The following SMARCA2 variants were observed in gnomAD, a reference collection of about 807,000 sequenced individuals.
The protein encoded by SMARCA2 is SWI/SNF related BAF chromatin remodeling complex subunit ATPase 2, also known as SWI/SNF-related matrix-associated actin-dependent regulator of chromatin subfamily A member 2.
In SMARCA2, 61 loss-of-function variants were observed where a neutral mutation model predicts 199.8. The ratio of observed to expected loss-of-function variants is 0.31; its 90% CI spans 0.25 to 0.38. The LOEUF (loss-of-function observed/expected upper bound fraction) is 0.38. SMARCA2 is among the 10% of genes least tolerant of loss of function. The pLI is 1.00. For missense variants in SMARCA2, 1,344 were observed against 2,012.2 expected, an observed-to-expected ratio of 0.67 and a Z score of 6.35; for synonymous variants, 935 against 732.0, an observed-to-expected ratio of 1.28 and a Z score of -4.48.
chr9:2,084,262 C>A, intron 17 of SMARCA2, 66 bp downstream of exon 17: 3 of 826,366 alleles, frequency 3.6e-6, no homozygotes, highest in East Asian at 5.2e-5. Flanking sequence ...AAGTATTGCC[C>A]AAGTCAGTAG....
At chr9:2,155,015 A>G (rs1825275178) in intron 27 of SMARCA2, among the ~76,000 whole-genome samples, 2 of 152,180 alleles carry the variant, frequency 1.3e-5, no homozygotes, top group Admixed American at 1.3e-4. Context: ...AGTCTCTTGC[A>G]GGGTCTCAAG....
chr9:2,162,331 G>A (rs1297308735), intron 28 of SMARCA2, among the ~76,000 whole-genome samples: 3 of 152,116 alleles, frequency 2.0e-5, no homozygotes, highest in African/African-American at 2.4e-5. Flanking sequence ...CAAAATAGAT[G>A]CTTCATAGTA....
chr9:2,045,341 A>G (rs923242040), intron 4 of SMARCA2: 1 of 152,230 alleles, frequency 6.6e-6, no homozygotes, highest in South Asian at 2.1e-4. Flanking sequence ...TCATAGAATC[A>G]TAGGGAATTA....
At chr9:2,102,658 C>G (rs1822573199) in intron 22 of SMARCA2, among the ~76,000 whole-genome samples, 1 of 152,162 alleles carries the variant, frequency 6.6e-6, no homozygotes, top group South Asian at 2.1e-4. Flanking sequence ...TTCTCCATAT[C>G]ACAGCGTCTT....
chr9:2,157,897 G>A (rs1220007734), intron 27 of SMARCA2: 1 of 398,438 alleles, frequency 2.5e-6, no homozygotes, highest in Non-Finnish European at 4.4e-6. Flanking sequence ...GTTGGTGTGT[G>A]TCAGGATGAG....
chr9:2,173,497 T>C (rs1293433222), intron 29 of SMARCA2, among the ~76,000 whole-genome samples: 1 of 152,204 alleles, frequency 6.6e-6, no homozygotes, highest in Non-Finnish European at 1.5e-5. Flanking sequence ...TGTGACCAAT[T>C]AGATACACTT....
chr9:2,187,060 A>G (rs1827511782), intron 32 of SMARCA2, among the ~76,000 whole-genome samples: 1 of 152,178 alleles, frequency 6.6e-6, no homozygotes, highest in East Asian at 1.9e-4. Flanking sequence ...CACCTTGAGA[A>G]TCACAGCTTT....
chr9:2,158,347 A>C (rs2130743359), intron 27 of SMARCA2: 1 of 153,894 alleles, frequency 6.5e-6, no homozygotes, highest in South Asian at 2.1e-4. Context: ...CTTTAAGAAA[A>C]GAGGTGCCTC....
chr9:2,021,024 T>G (rs1818578693), intron 1 of SMARCA2, among the ~76,000 whole-genome samples: 1 of 152,220 alleles, frequency 6.6e-6, no homozygotes, highest in South Asian at 2.1e-4. Context: ...ATTTGAACAA[T>G]TGTAATCTGG....
chr9:2,185,118 C>T (rs150652830), intron 31 of SMARCA2, among the ~76,000 whole-genome samples: 1 of 152,228 alleles, frequency 6.6e-6, no homozygotes, highest in East Asian at 1.9e-4. Context: ...TGATGGGCAA[C>T]AGATCTTCAG....
intron 31 of SMARCA2, 68 bp downstream of exon 31, chr9:2,182,310 T>A: frequency 4.3e-6 from 4 of 936,260 alleles, no homozygotes; most frequent in Non-Finnish European, 6.8e-6. Context: ...TTAAGTAGAA[T>A]ATTTCATTTT....
intron 1 of SMARCA2, among the ~76,000 whole-genome samples, chr9:2,028,779 G>A (rs771312905): frequency 7.2e-5 from 11 of 152,146 alleles, no homozygotes; most frequent in Non-Finnish European, 1.3e-4. Context: ...GAATCATTTA[G>A]TGTGTGTGTT....
rs56186732 is a variant in SMARCA2 at position 2,176,182 on chromosome 9, G to GTTTTTTTTTTTTTTTTTT, written c.4254-5385_4254-5368dup. On this transcript the variant is annotated intron_variant, in intron 29 of 33. Coordinates refer to ENST00000349721, the MANE Select transcript of SMARCA2 (RefSeq NM_003070.5). ...AGGCATGAGCCACCGCGCCCGGCCT[G>GTTTTTTTTTTTTTTTTTT]TTTTTTTTTTTTTTTTTTTTTATAA... Among the ~76,000 whole-genome samples, 125 of 104,102 alleles carry GTTTTTTTTTTTTTTTTTT rather than the reference G, an allele frequency of 1.2e-3. 5 individuals carry two copies. Among genetic ancestry groups the GTTTTTTTTTTTTTTTTTT allele is most frequent in the African/African-American group, 4.4e-3 (118 of 26,834 alleles). 68.3% of individuals were successfully genotyped at this position (104,102 alleles called of 152,430 possible).
At chr9:2,155,204 G>A (rs542108250) in intron 27 of SMARCA2, among the ~76,000 whole-genome samples, 174 of 152,276 alleles carry the variant, frequency 1.1e-3, no homozygotes, top group Non-Finnish European at 2.3e-3. Context: ...AGTATATTGT[G>A]TTTAATACTG....
In SMARCA2 at chr9:2,110,042, C is replaced by T. The variant is rs961168228; in HGVS notation, c.3293-212C>T. Among the ~76,000 whole-genome samples, 4 of 152,124 alleles carry T rather than the reference C, an allele frequency of 2.6e-5. No homozygotes were observed. The highest frequency in any genetic ancestry group is 9.7e-5 in the African/African-American group (4 of 41,432). ...AATTTGTGAAGTTGCGAAGATGCCT[C>T]ATTAGAAATGTTTAAGCTGTTTCTT... On this transcript the variant is annotated intron_variant, in intron 23 of 33. Transcript: ENST00000349721. The surrounding 1 kb of genome is among the most constrained non-coding windows in gnomAD (Gnocchi z 4.8).
intron 27 of SMARCA2, among the ~76,000 whole-genome samples, chr9:2,139,031 G>A (rs1024784489): frequency 6.6e-5 from 10 of 151,366 alleles, no homozygotes; most frequent in Admixed American, 6.6e-4. Flanking sequence ...GGACTCACCT[G>A]TAGCATCTGA....
chr9:2,037,982 G>T (rs974379183), intron 3 of SMARCA2, among the ~76,000 whole-genome samples: 3 of 152,130 alleles, frequency 2.0e-5, no homozygotes, highest in Admixed American at 6.5e-5. Context: ...GAGGTTTTTT[G>T]TGCATTTTGA....
chr9:2,128,655 G>T (rs1017819580), intron 27 of SMARCA2, among the ~76,000 whole-genome samples: 1 of 152,232 alleles, frequency 6.6e-6, no homozygotes, highest in African/African-American at 2.4e-5. Flanking sequence ...TTGTATAAAA[G>T]TATGTAACTG....
rs369653329 is a variant in SMARCA2, at chr9:2,149,196, G to A, written c.3982-12490G>A. Among the ~76,000 whole-genome samples, 82 of 151,178 alleles carry A rather than the reference G, an allele frequency of 5.4e-4. No individual in the cohort carries two copies. The East Asian group carries it at 7.0e-3, about 13-fold the overall frequency. ...CAAAAGGCACTTCTTACATGGTGGCGGCAAGAGAAAATGAGAGAGATGCAA... is the reference window on the plus strand; with the variant it reads ...CAAAAGGCACTTCTTACATGGTGGCAGCAAGAGAAAATGAGAGAGATGCAA... On this transcript the variant is annotated intron_variant, in intron 27 of 33. Transcript: ENST00000349721.
Sources: allele counts gnomAD v4.1 joint callset (sites outside exome capture counted in the v4.1 genomes callset), GRCh38; gene constraint gnomAD v4.1.1; non-coding constraint Gnocchi (gnomAD v3.1); transcripts MANE v1.5; gene names NCBI Gene and HGNC (gene_info 2026-07-23, HGNC 2026-07-21).